The following NUDT3 variants were observed in gnomAD, a reference collection of about 807,000 sequenced individuals.
NUDT3 encodes the protein diphosphoinositol polyphosphate phosphohydrolase 1.
Under a neutral mutation model 23.6 loss-of-function variants are expected in NUDT3, and 9 were observed. The observed-to-expected ratio is 0.38, with a 90% CI of 0.23 to 0.66. The LOEUF (loss-of-function observed/expected upper bound fraction) is 0.66, where lower values mean the gene tolerates loss of function less well. NUDT3 is among the 30% of genes least tolerant of loss of function. The pLI is 0.52. For synonymous variants in NUDT3, 86 were observed against 82.6 expected (o/e 1.04, Z -0.22); for missense variants, 172 against 218.5 (o/e 0.79, Z 1.34).
chr6:34,375,527 C>A (rs949494388), intron 1 of NUDT3, among the ~76,000 whole-genome samples: 1 of 152,100 alleles, frequency 6.6e-6, no homozygotes, highest in Non-Finnish European at 1.5e-5. Context: ...TCACTTCAAT[C>A]CTGACCACAC....
At chr6:34,315,689 A>T (rs1453960716) in intron 2 of NUDT3, among the ~76,000 whole-genome samples, 4 of 152,218 alleles carry the variant, frequency 2.6e-5, no homozygotes, top group Non-Finnish European at 4.4e-5. Context: ...GACCAAAAGT[A>T]TAGATTTAAA....
intron 2 of NUDT3, among the ~76,000 whole-genome samples, chr6:34,327,366 T>G (rs1156568745): frequency 6.6e-6 from 1 of 151,560 alleles, no homozygotes; most frequent in Non-Finnish European, 1.5e-5. Context: ...CTGTCTCTAC[T>G]AAAAATACAA....
chr6:34,377,992 T>C (rs746458082), intron 1 of NUDT3, among the ~76,000 whole-genome samples: 1 of 151,880 alleles, frequency 6.6e-6, no homozygotes, highest in South Asian at 2.1e-4. Context: ...AACTTTAGCA[T>C]GAAGAAATTT....
intron 2 of NUDT3, among the ~76,000 whole-genome samples, chr6:34,330,575 T>C (rs560564361): frequency 1.6e-4 from 25 of 152,256 alleles, no homozygotes; most frequent in Admixed American, 3.3e-4. Flanking sequence ...GGTGGACAGA[T>C]TGCTTGAATT....
chr6:34,309,277 T>C (rs1046889712), intron 2 of NUDT3, among the ~76,000 whole-genome samples: 20 of 151,994 alleles, frequency 1.3e-4, no homozygotes, highest in African/African-American at 4.8e-4. Flanking sequence ...CCTCTAATAT[T>C]TGGAGATTAA....
intron 3 of NUDT3, among the ~76,000 whole-genome samples, chr6:34,294,757 A>AT (rs1391901609): frequency 2.6e-5 from 4 of 151,768 alleles, no homozygotes; most frequent in African/African-American, 9.7e-5. Context: ...TTACATATCT[A>AT]TTTTTTCATC....
At chr6:34,342,822 C>T (rs1045660847) in intron 1 of NUDT3, among the ~76,000 whole-genome samples, 5 of 152,204 alleles carry the variant, frequency 3.3e-5, no homozygotes, top group African/African-American at 4.8e-5. Flanking sequence ...AACTCTGCAA[C>T]CATCCTTGTT....
intron 2 of NUDT3, among the ~76,000 whole-genome samples, chr6:34,316,992 CA>C (rs1763871648): frequency 6.6e-6 from 1 of 151,962 alleles, no homozygotes; most frequent in South Asian, 2.1e-4. Context: ...TGGCTTGGAC[CA>C]GGGGGATAGT....
rs1305207158 is a variant in NUDT3 at position 34,358,291 on chromosome 6, A to ACACACACACACC, written c.100-16320_100-16319insGGTGTGTGTGTG. 5.3e-5 allele frequency among the ~76,000 whole-genome samples: 8 copies of ACACACACACACC among 150,080 alleles called. No homozygotes were observed. In the East Asian group the frequency reaches 7.9e-4, roughly 15 times the overall value. ...CACACACACACACACACACACACAC[A>ACACACACACACC]CCCCTTATAATTTCTACAGGAATCA... On this transcript the variant is annotated intron_variant, in intron 1 of 4. Transcript: ENST00000607016.
intron 2 of NUDT3, among the ~76,000 whole-genome samples, chr6:34,323,843 T>G (rs917644237): frequency 6.6e-6 from 1 of 152,220 alleles, no homozygotes; most frequent in Non-Finnish European, 1.5e-5. Context: ...GCTTGAAAAT[T>G]TTCATGACTG....
At chr6:34,385,665 C>A (rs1403118130) in intron 1 of NUDT3, among the ~76,000 whole-genome samples, 1 of 151,516 alleles carries the variant, frequency 6.6e-6, no homozygotes, top group Non-Finnish European at 1.5e-5. Flanking sequence ...TTTGTTTGTC[C>A]ATATAAGTGA....
At chr6:34,327,085 A>T (rs1429853652) in intron 2 of NUDT3, among the ~76,000 whole-genome samples, 1 of 151,998 alleles carries the variant, frequency 6.6e-6, no homozygotes, top group East Asian at 1.9e-4. Flanking sequence ...TATACAAAAC[A>T]AGGGGGCAGG....
intron 1 of NUDT3, among the ~76,000 whole-genome samples, chr6:34,350,640 G>A (rs1283982049): frequency 6.6e-6 from 1 of 150,740 alleles, no homozygotes; most frequent in East Asian, 1.9e-4. Context: ...AGAAGTTTCA[G>A]TTTCTAGAGC....
intron 3 of NUDT3, among the ~76,000 whole-genome samples, chr6:34,295,174 T>C (rs1312955043): frequency 2.6e-5 from 4 of 152,088 alleles, no homozygotes; most frequent in Admixed American, 6.6e-5. Context: ...GATTTCCTTC[T>C]TTCTTTCTTT....
chr6:34,310,703 C>T (rs1763757797), intron 2 of NUDT3, among the ~76,000 whole-genome samples: 2 of 152,242 alleles, frequency 1.3e-5, no homozygotes, highest in East Asian at 1.9e-4. Flanking sequence ...ATGAGGCCAG[C>T]GTTACCCTCA....
chr6:34,384,865 C>T (rs544294269), intron 1 of NUDT3, among the ~76,000 whole-genome samples: 38 of 151,380 alleles, frequency 2.5e-4, no homozygotes, highest in Admixed American at 1.1e-3. Flanking sequence ...GACCCTGTCT[C>T]CACACACACA....
intron 2 of NUDT3, among the ~76,000 whole-genome samples, chr6:34,332,367 C>T (rs189344254): frequency 6.6e-6 from 1 of 152,112 alleles, no homozygotes; most frequent in African/African-American, 2.4e-5. Flanking sequence ...GTTTTTTCCT[C>T]GTCATCTTCA....
rs552815584 is a variant in NUDT3 at position 34,321,825 on chromosome 6, C to A, written c.210+20037G>T. Among the ~76,000 whole-genome samples, 65 of 152,324 alleles carry A rather than the reference C, an allele frequency of 4.3e-4. 1 individual carries two copies. The South Asian group carries it at 0.012, about 28-fold the overall frequency. On this transcript the variant is annotated intron_variant, in intron 2 of 4. Transcript: ENST00000607016. Reference sequence around the variant, plus strand: ...TTTATCCTAAATCTAATCAAGCCTCCAAACCTGGGCTGTTCAAAACGGTGA... The same window carrying A: ...TTTATCCTAAATCTAATCAAGCCTCAAAACCTGGGCTGTTCAAAACGGTGA...
chr6:34,371,222 G>T (rs1764822544), intron 1 of NUDT3, among the ~76,000 whole-genome samples: 1 of 152,148 alleles, frequency 6.6e-6, no homozygotes, highest in South Asian at 2.1e-4. Flanking sequence ...TGTAATCCCA[G>T]CACTTTGGGA....
Sources: gnomAD v4.1 joint callset for allele counts (sites outside exome capture counted in the v4.1 genomes callset) on GRCh38, gnomAD v4.1.1 for gene constraint, MANE v1.5 for transcripts, NCBI Gene and HGNC (gene_info 2026-07-23, HGNC 2026-07-21) for gene names.